FHL2: variants seen among roughly 807,000 people sequenced by gnomAD.
FHL2 encodes the protein four and a half LIM domains protein 2.
A neutral mutation model predicts 32.7 loss-of-function variants in FHL2; 20 were observed. That is an observed-to-expected ratio of 0.61 (90% confidence interval 0.43 to 0.89). The LOEUF (loss-of-function observed/expected upper bound fraction) is 0.89, where lower values mean the gene tolerates loss of function less well. Among genes scored for constraint, FHL2 ranks in the 40% least tolerant of loss-of-function variants. The pLI is 0.00. For synonymous variants in FHL2, 123 were observed against 128.1 expected (o/e 0.96, Z 0.27); for missense variants, 311 against 358.6 (o/e 0.87, Z 1.07).
At chr2:105,397,198 T>A (rs1683201333) in intron 1 of FHL2, among the ~76,000 whole-genome samples, 1 of 152,092 alleles carries the variant, frequency 6.6e-6, no homozygotes, top group Admixed American at 6.5e-5. Context: ...GTGGTGCGTT[T>A]AGTGGTTAGA....
At chr2:105,375,049 G>A (rs1464115784) in intron 3 of FHL2, among the ~76,000 whole-genome samples, 9 of 152,104 alleles carry the variant, frequency 5.9e-5, no homozygotes, top group Non-Finnish European at 1.3e-4. Flanking sequence ...GTGAAGACAT[G>A]GATCTTGGCC....
rs1262963329 is a variant in FHL2, at chr2:105,386,230, A to AG, written c.156+130dup. The AG allele has an allele frequency of 1.1e-4, 108 of 976,700 alleles. 1 individual carries two copies. The East Asian group carries it at 2.6e-3, about 24-fold the overall frequency. The allele number at this position is 976,700 out of a possible 1,614,324, so 60.5% of individuals were successfully genotyped here. A position where few individuals can be genotyped will look rare whatever the true frequency, so the allele number is the denominator to read the frequency against. On this transcript the variant is annotated intron_variant, in intron 3 of 6. Transcript: ENST00000530340. ...AAGAAGCTTCCGAAAGGCTACACGC[A>AG]GGGTCCACGCCCCTCAGAGGGGGCT...
chr2:105,403,290 C>T (rs915267647), upstream of FHL2, among the ~76,000 whole-genome samples: 5 of 152,132 alleles, frequency 3.3e-5, no homozygotes. Context: ...TGAGAGAAAA[C>T]CTCTCTGCTA....
At chr2:105,363,776 G>A (rs1680444478) in intron 5 of FHL2, among the ~76,000 whole-genome samples, 1 of 152,320 alleles carries the variant, frequency 6.6e-6, no homozygotes, top group African/African-American at 2.4e-5. Flanking sequence ...TTTCTGAGCA[G>A]GGAAGCAGCA....
intron 2 of FHL2, among the ~76,000 whole-genome samples, chr2:105,395,770 C>CA (rs1190498518): frequency 6.6e-6 from 1 of 152,218 alleles, no homozygotes; most frequent in African/African-American, 2.4e-5. Context: ...GAAAACAGGG[C>CA]AGCTGCTTCT....
intron 1 of FHL2, among the ~76,000 whole-genome samples, chr2:105,408,633 A>G (rs1683705272): frequency 6.6e-6 from 1 of 152,316 alleles, no homozygotes; most frequent in South Asian, 2.1e-4. Flanking sequence ...TCCTGGCTGG[A>G]GCAGAACTAA....
intron 1 of FHL2, among the ~76,000 whole-genome samples, chr2:105,397,892 T>G (rs12991099): frequency 6.8e-6 from 1 of 146,330 alleles, no homozygotes; most frequent in African/African-American, 2.5e-5. Flanking sequence ...TTTTTTGTTT[T>G]TTTTTGTCTA....
At chr2:105,391,221 G>T (rs1682706825) in intron 2 of FHL2, among the ~76,000 whole-genome samples, 1 of 152,144 alleles carries the variant, frequency 6.6e-6, no homozygotes, top group African/African-American at 2.4e-5. Context: ...GAAAAGTGCA[G>T]AAGATACAAA....
At chr2:105,365,135 C>T (rs1317119041) in intron 5 of FHL2, among the ~76,000 whole-genome samples, 1 of 152,208 alleles carries the variant, frequency 6.6e-6, no homozygotes, top group Non-Finnish European at 1.5e-5. Context: ...ATGACTTTCT[C>T]AGAGACTCCT....
intron 1 of FHL2, among the ~76,000 whole-genome samples, chr2:105,415,352 G>A (rs960662631): frequency 2.0e-5 from 3 of 152,258 alleles, no homozygotes; most frequent in Non-Finnish European, 4.4e-5. Flanking sequence ...GTTGGCAATA[G>A]TAGTTGCTTC....
At chr2:105,401,095 A>G (rs1266868646), upstream of FHL2, among the ~76,000 whole-genome samples, 1 of 131,198 alleles carries the variant, frequency 7.6e-6, no homozygotes, top group African/African-American at 2.9e-5. Flanking sequence ...ATCTTATTGG[A>G]TTCTAATCAA....
At chr2:105,398,745 C>T in intron 1 of FHL2, 97 bp downstream of exon 1, 2 of 1,063,792 alleles carry the variant, frequency 1.9e-6, no homozygotes, top group Non-Finnish European at 2.5e-6. Flanking sequence ...CCGGGTCTAC[C>T]CCACAGCTCA....
intron 1 of FHL2, among the ~76,000 whole-genome samples, chr2:105,430,311 T>C (rs1684391067): frequency 1.3e-5 from 2 of 152,160 alleles, no homozygotes; most frequent in Non-Finnish European, 2.9e-5. Context: ...TGTCCTCCTC[T>C]TGTTTCCTTT....
chr2:105,361,242 C>A lies in FHL2; in HGVS notation c.*41G>T. 5 of 1,583,364 alleles carry A rather than the reference C, an allele frequency of 3.2e-6. No individual in the cohort carries two copies. Among genetic ancestry groups the A allele is most frequent in the Non-Finnish European group, 4.3e-6 (5 of 1,161,792 alleles). ...TGGGTGAGAAAGAAAACATAAAAAT[C>A]TGTGTGTGAGATCACAAGCAGCAAC... On this transcript the variant is annotated 3_prime_UTR_variant, in exon 7 of 7. Coordinates refer to ENST00000530340, the MANE Select transcript of FHL2 (RefSeq NM_001318895.3).
At chr2:105,418,814 A>G (rs1309927395) in intron 1 of FHL2, among the ~76,000 whole-genome samples, 5 of 152,204 alleles carry the variant, frequency 3.3e-5, no homozygotes, top group Non-Finnish European at 5.9e-5. Context: ...GGCCACATTC[A>G]CATACCTTTT....
chr2:105,390,102 G>T, intron 2 of FHL2: 1 of 152,914 alleles, frequency 6.5e-6, no homozygotes. Context: ...TGTGGTGGCG[G>T]GCACCTGTAG....
intron 3 of FHL2, among the ~76,000 whole-genome samples, chr2:105,382,740 G>A (rs1681989817): frequency 6.6e-6 from 1 of 152,098 alleles, no homozygotes; most frequent in Admixed American, 6.5e-5. Flanking sequence ...GGGTGGGTAT[G>A]GTGGCCAGTC....
chr2:105,425,808 C>T (rs557982909), intron 1 of FHL2, among the ~76,000 whole-genome samples: 3 of 152,084 alleles, frequency 2.0e-5, no homozygotes, highest in Non-Finnish European at 4.4e-5. Context: ...TTTTGCTGAC[C>T]TTCTCCTTAT....
intron 1 of FHL2, 43 bp from the exon 2 acceptor site, chr2:105,396,740 G>C (rs755440305): frequency 1.9e-6 from 3 of 1,587,998 alleles, no homozygotes; most frequent in Non-Finnish European, 2.6e-6. Context: ...GTCATCTTGA[G>C]GAAGCGAACT....
Sources: allele counts gnomAD v4.1 joint callset (sites outside exome capture counted in the v4.1 genomes callset), GRCh38; gene constraint gnomAD v4.1.1; transcripts MANE v1.5; gene names NCBI Gene and HGNC (gene_info 2026-07-23, HGNC 2026-07-21).